BNC2: variants seen among roughly 807,000 people sequenced by gnomAD.
BNC2 encodes zinc finger protein basonuclin-2.
In BNC2, 20 loss-of-function variants were observed where a neutral mutation model predicts 76.3. That is an observed-to-expected ratio of 0.26 (90% CI 0.18 to 0.38). BNC2 has a LOEUF of 0.38. BNC2 is among the 10% of genes least tolerant of loss of function. The pLI is 1.00. For synonymous variants in BNC2, 582 were observed against 514.8 expected (o/e 1.13, Z -1.77); for missense variants, 1,382 against 1,399.8 (o/e 0.99, Z 0.20).
intron 3 of BNC2, among the ~76,000 whole-genome samples, chr9:16,717,060 G>A (rs1215545337): frequency 6.6e-6 from 1 of 152,170 alleles, no homozygotes; most frequent in African/African-American, 2.4e-5. Flanking sequence ...AGGCCTGAAT[G>A]ACAGTGTATT....
intron 3 of BNC2, among the ~76,000 whole-genome samples, chr9:16,669,354 A>C (rs1055866619): frequency 2.0e-5 from 3 of 152,186 alleles, no homozygotes; most frequent in Non-Finnish European, 4.4e-5. Context: ...TTTTGCCCTA[A>C]AGGTGCTAAG....
At chr9:16,678,261 CTT>C (rs1587306864) in intron 3 of BNC2, among the ~76,000 whole-genome samples, 13 of 75,888 alleles carry the variant, frequency 1.7e-4, no homozygotes, top group African/African-American at 3.2e-4. Context: ...TGTTTTCTTT[CTT>C]TTTCTTTTTT....
At chr9:16,778,380 C>T (rs527336054) in intron 1 of BNC2, among the ~76,000 whole-genome samples, 1 of 152,164 alleles carries the variant, frequency 6.6e-6, no homozygotes, top group African/African-American at 2.4e-5. Context: ...AACAAAGACA[C>T]AAACTTTGGA....
chr9:16,726,898 G>C (rs1011416643), intron 3 of BNC2: 10 of 152,440 alleles, frequency 6.6e-5, no homozygotes, highest in Admixed American at 2.0e-4. Flanking sequence ...CGGAGCCAAG[G>C]AGCCAGCAAT....
intron 1 of BNC2, among the ~76,000 whole-genome samples, chr9:16,817,035 C>A (rs1818201268): frequency 6.6e-6 from 1 of 152,198 alleles, no homozygotes; most frequent in Admixed American, 6.5e-5. Context: ...AGCCGCCTTT[C>A]CATTTAGGAA....
chr9:16,474,276 A>G (rs1563800524), intron 5 of BNC2, among the ~76,000 whole-genome samples: 1 of 152,236 alleles, frequency 6.6e-6, no homozygotes, highest in Non-Finnish European at 1.5e-5. Flanking sequence ...ACAAATCACT[A>G]TATGTTGTTT....
At chr9:16,656,291 A>G (rs1821927651) in intron 3 of BNC2, among the ~76,000 whole-genome samples, 1 of 152,212 alleles carries the variant, frequency 6.6e-6, no homozygotes, top group African/African-American at 2.4e-5. Context: ...AGCAGGAGAC[A>G]AGAAAAGTGG....
chr9:16,606,555 C>T (rs1452816935), intron 3 of BNC2, among the ~76,000 whole-genome samples: 5 of 151,150 alleles, frequency 3.3e-5, no homozygotes, highest in Non-Finnish European at 7.4e-5. Flanking sequence ...GGTAGGGGGA[C>T]GGAGTTTCAC....
At chr9:16,748,963 TA>T (rs1825098608) in intron 1 of BNC2, among the ~76,000 whole-genome samples, 2 of 133,012 alleles carry the variant, frequency 1.5e-5, no homozygotes, top group African/African-American at 5.9e-5. Flanking sequence ...ATTAACAAAA[TA>T]AAAAAATTAA....
intron 4 of BNC2, 91 bp downstream of exon 4, chr9:16,582,892 G>GACAGACAC: frequency 6.4e-6 from 4 of 626,976 alleles, no homozygotes; most frequent in Non-Finnish European, 1.1e-5. Flanking sequence ...CCTCTAAACA[G>GACAGACAC]ACACACACAC....
chr9:16,745,733 CCATTA>C (rs1168882211), intron 1 of BNC2, among the ~76,000 whole-genome samples: 17 of 152,136 alleles, frequency 1.1e-4, no homozygotes, highest in African/African-American at 3.6e-4. Flanking sequence ...GAATTGCATT[CCATTA>C]CTTTTCCGTT....
chr9:16,846,930 A>AT (rs1818996898), intron 1 of BNC2, among the ~76,000 whole-genome samples: 1 of 152,232 alleles, frequency 6.6e-6, no homozygotes, highest in Non-Finnish European at 1.5e-5. Context: ...TTAGTGTATA[A>AT]TTACTGGTAA....
Position 16,497,987 on chromosome 9 carries a change from GT to G in BNC2, c.669+54542del, listed in dbSNP as rs1822427404. ...TGGATAAAGAAACTGTGGTGTGTGT[GT>G]GTGTGTGTGTGTGTGTGTGTGTGTG... is the stretch of plus-strand genomic sequence containing the variant. On this transcript the variant is annotated intron_variant, in intron 5 of 6. Transcript: ENST00000380672. Among the ~76,000 whole-genome samples, 3 of 114,484 alleles carry G rather than the reference GT, an allele frequency of 2.6e-5. No individual in the cohort carries two copies. The African/African-American group carries it at 2.8e-4, about 11-fold the overall frequency. The allele number at this position is 114,484 out of a possible 152,430, so 75.1% of individuals were successfully genotyped here.
At chr9:16,825,386 T>C (rs900272496) in intron 1 of BNC2, among the ~76,000 whole-genome samples, 5 of 152,026 alleles carry the variant, frequency 3.3e-5, no homozygotes, top group Non-Finnish European at 7.4e-5. Flanking sequence ...ACAATTGGGG[T>C]GGGGAAGGGT....
chr9:16,792,126 T>C (rs1817528014), intron 1 of BNC2, among the ~76,000 whole-genome samples: 2 of 146,848 alleles, frequency 1.4e-5, no homozygotes, highest in African/African-American at 4.9e-5. Flanking sequence ...AAAAATCAAC[T>C]AGATACCATC....
At chr9:16,516,811 G>T (rs1817457388) in intron 5 of BNC2, among the ~76,000 whole-genome samples, 1 of 152,182 alleles carries the variant, frequency 6.6e-6, no homozygotes, top group Non-Finnish European at 1.5e-5. Context: ...CGTATTAAAA[G>T]CATCTCTTAT....
rs139240821 is a variant in BNC2, at chr9:16,730,817, G to A, written c.130-2820C>T. Reference sequence around the variant, plus strand: ...TTCATAAATATACAGTACTGCACCTGCTAAATGGATTTGCTCAAACAAAAT... The same window carrying A: ...TTCATAAATATACAGTACTGCACCTACTAAATGGATTTGCTCAAACAAAAT... On this transcript the variant is annotated intron_variant, in intron 2 of 6. Coordinates refer to ENST00000380672, the MANE Select transcript of BNC2 (RefSeq NM_017637.6). 1.2e-4 allele frequency among the ~76,000 whole-genome samples: 19 copies of A among 152,266 alleles called. No homozygotes were observed. The East Asian group carries it at 3.7e-3, about 29-fold the overall frequency.
chr9:16,706,351 T>C (rs1022228755), intron 3 of BNC2, among the ~76,000 whole-genome samples: 4 of 152,198 alleles, frequency 2.6e-5, no homozygotes, highest in African/African-American at 4.8e-5. Context: ...ACTGTAGTCA[T>C]AGGCAATTCT....
chr9:16,754,468 A>G (rs987493304), intron 1 of BNC2, among the ~76,000 whole-genome samples: 17 of 152,162 alleles, frequency 1.1e-4, no homozygotes, highest in Non-Finnish European at 2.1e-4. Flanking sequence ...CCAGATCTAA[A>G]TGTTCTTGTA....
Sources: gnomAD v4.1 joint callset for allele counts (sites outside exome capture counted in the v4.1 genomes callset) on GRCh38, gnomAD v4.1.1 for gene constraint, MANE v1.5 for transcripts, NCBI Gene and HGNC (gene_info 2026-07-23, HGNC 2026-07-21) for gene names.